The following POC5 variants were observed in gnomAD, a reference collection of about 807,000 sequenced individuals.
The protein encoded by POC5 is centrosomal protein POC5.
POC5 carries 48 observed loss-of-function variants against 62.9 expected under a neutral mutation model. The ratio of observed to expected loss-of-function variants is 0.76; its 90% CI spans 0.61 to 0.97. The LOEUF (loss-of-function observed/expected upper bound fraction) is 0.97. Among genes scored for constraint, POC5 ranks in the 50% least tolerant of loss-of-function variants. The pLI, the probability that POC5 is intolerant of heterozygous loss-of-function variation, is 0.00. For synonymous variants in POC5, 236 were observed against 228.2 expected (o/e 1.03, Z -0.31); for missense variants, 696 against 679.5 (o/e 1.02, Z -0.27).
chr5:75,700,401 C>G (rs1328470263), intron 5 of POC5, among the ~76,000 whole-genome samples: 1 of 151,684 alleles, frequency 6.6e-6, no homozygotes, highest in Non-Finnish European at 1.5e-5. Context: ...ACAGAGCCCT[C>G]AGAAATAATG....
intron 5 of POC5, among the ~76,000 whole-genome samples, chr5:75,695,333 C>T (rs1253162845): frequency 6.6e-6 from 1 of 152,092 alleles, no homozygotes; most frequent in Non-Finnish European, 1.5e-5. Context: ...ACCCTACTGA[C>T]TGGCACAAAT....
chr5:75,709,152 T>C (rs1178208670), intron 2 of POC5, among the ~76,000 whole-genome samples: 1 of 152,192 alleles, frequency 6.6e-6, no homozygotes, highest in African/African-American at 2.4e-5. Context: ...TTAACATAGA[T>C]ACTTACACGC....
chr5:75,709,597 C>T (rs1005526761), intron 2 of POC5: 2 of 152,080 alleles, frequency 1.3e-5, no homozygotes, highest in African/African-American at 4.8e-5. Context: ...CTGAAGCGAG[C>T]ACCAACATTT....
rs919825308 is a variant in POC5, at chr5:75,681,419, T to C, written c.1408-3469A>G. 2.6e-5 allele frequency among the ~76,000 whole-genome samples: 4 copies of C among 152,094 alleles called. No homozygotes were observed. In the East Asian group the frequency reaches 5.8e-4, roughly 22 times the overall value. ...AAATATTTCCCCTCAATTATTCCAA[T>C]TGAAGTTAGAAAAAGAATAAAATGC... On this transcript the variant is annotated intron_variant, in intron 10 of 11. Transcript: ENST00000428202.
chr5:75,697,360 A>C (rs575387547), intron 5 of POC5, among the ~76,000 whole-genome samples: 4,934 of 152,086 alleles, frequency 0.032, 260 homozygotes, highest in African/African-American at 0.11. Context: ...CTGATCTCTC[A>C]GCAGAAACTC....
chr5:75,703,662 C>T (rs1320658466), intron 4 of POC5, among the ~76,000 whole-genome samples: 2 of 152,012 alleles, frequency 1.3e-5, no homozygotes, highest in Non-Finnish European at 2.9e-5. Context: ...TAAAATTAAA[C>T]AATTTAAGTA....
rs377652483 is a variant in POC5, at chr5:75,712,379, C to T, written c.84+475G>A. On this transcript the variant is annotated intron_variant, in intron 2 of 11. Transcript: ENST00000428202. Reference sequence around the variant, plus strand: ...ACACCCTCTGTAGTTAACTGACCCACTTCATTTTATCTGTCAATGTCCAGG... The same window carrying T: ...ACACCCTCTGTAGTTAACTGACCCATTTCATTTTATCTGTCAATGTCCAGG... 14 of 1,605,606 alleles carry T rather than the reference C, an allele frequency of 8.7e-6. No homozygotes were observed. The African/African-American group carries it at 1.6e-4, about 18-fold the overall frequency.
intron 10 of POC5, among the ~76,000 whole-genome samples, chr5:75,678,433 C>T (rs545661768): frequency 7.4e-4 from 112 of 152,198 alleles, no homozygotes; most frequent in African/African-American, 2.6e-3. Flanking sequence ...ACGAAGATCT[C>T]CCTCGTGCCA....
In POC5 at chr5:75,705,807, T is replaced by C. The variant is rs1255007148; in HGVS notation, c.224-20A>G. 3.2e-5 allele frequency: 47 copies of C among 1,461,082 alleles called. No homozygotes were observed. The highest frequency in any genetic ancestry group is 4.3e-5 in the Non-Finnish European group (46 of 1,081,306). 90.5% of individuals were successfully genotyped at this position (1,461,082 alleles called of 1,614,324 possible). A position where few individuals can be genotyped will look rare whatever the true frequency, so the allele number is the denominator to read the frequency against. On this transcript the variant is annotated intron_variant, in intron 3 of 11. Coordinates refer to ENST00000428202, the MANE Select transcript of POC5 (RefSeq NM_001099271.2). ...TATTTCCTGCCAAAAAGAAAGCTTT[T>C]TAAAATTAAACTGAACCACTCTTAA... is the stretch of plus-strand genomic sequence containing the variant.
At position 75,674,195 on chromosome 5, in the gene POC5, C is replaced by A; in HGVS notation, c.*240G>T. Reference sequence around the variant, plus strand: ...CTAAACATATTAAAGAAATAAAGTCCAGTTTCTTTTTTAATTTAAAAAAGT... The same window carrying A: ...CTAAACATATTAAAGAAATAAAGTCAAGTTTCTTTTTTAATTTAAAAAAGT... On this transcript the variant is annotated 3_prime_UTR_variant, in exon 12 of 12. Coordinates refer to ENST00000428202, the MANE Select transcript of POC5 (RefSeq NM_001099271.2). The A allele has an allele frequency of 6.7e-6, 2 of 296,782 alleles. No homozygotes were observed. Among genetic ancestry groups the A allele is most frequent in the South Asian group, 1.1e-4 (1 of 9,216 alleles). The allele number at this position is 296,782 out of a possible 1,614,324, so 18.4% of individuals were successfully genotyped here.
chr5:75,688,918 T>C, intron 9 of POC5, 94 bp downstream of exon 9: 1 of 1,197,758 alleles, frequency 8.3e-7, no homozygotes, highest in Non-Finnish European at 1.1e-6. Context: ...ACATACCTAC[T>C]GCAGATTATT....
At chr5:75,708,744 T>C (rs1040773722) in intron 2 of POC5, among the ~76,000 whole-genome samples, 4 of 152,236 alleles carry the variant, frequency 2.6e-5, no homozygotes, top group African/African-American at 9.6e-5. Context: ...TATGCTTTTA[T>C]ATATTTGAAA....
chr5:75,714,674 G>T (rs925353235), intron 1 of POC5, among the ~76,000 whole-genome samples: 7 of 152,162 alleles, frequency 4.6e-5, no homozygotes, highest in Admixed American at 1.3e-4. Context: ...TGAGCAGGTT[G>T]GGAGGAAGGA....
At chr5:75,699,796 C>T (rs1776785954) in intron 5 of POC5, among the ~76,000 whole-genome samples, 1 of 140,072 alleles carries the variant, frequency 7.1e-6, no homozygotes, top group Non-Finnish European at 1.6e-5. Flanking sequence ...TTGCAGACGA[C>T]ATGATTGTAT....
chr5:75,683,110 T>G (rs930869175), intron 10 of POC5, among the ~76,000 whole-genome samples: 5 of 152,304 alleles, frequency 3.3e-5, no homozygotes, highest in Admixed American at 1.3e-4. Flanking sequence ...TTCTTTCCTC[T>G]TATGTAAGTG....
chr5:75,704,594 G>A (rs1445013389), intron 4 of POC5, among the ~76,000 whole-genome samples: 1 of 152,090 alleles, frequency 6.6e-6, no homozygotes, highest in African/African-American at 2.4e-5. Context: ...ACTTGATTTT[G>A]CCAACTAGAT....
chr5:75,716,949 T>C (rs112899321), intron 1 of POC5, among the ~76,000 whole-genome samples: 54 of 152,320 alleles, frequency 3.5e-4, no homozygotes, highest in African/African-American at 1.3e-3. Flanking sequence ...AGAAAAGCCA[T>C]TGCAGTAAGC....
At chr5:75,682,937 A>C (rs1479701221) in intron 10 of POC5, among the ~76,000 whole-genome samples, 3 of 152,218 alleles carry the variant, frequency 2.0e-5, no homozygotes, top group African/African-American at 7.2e-5. Flanking sequence ...TTTCTCCCAA[A>C]GTTAGTAGCT....
intron 11 of POC5, among the ~76,000 whole-genome samples, chr5:75,674,920 G>A (rs1395612384): frequency 1.3e-5 from 2 of 152,184 alleles, no homozygotes; most frequent in Non-Finnish European, 2.9e-5. Flanking sequence ...GTGGTGTCTG[G>A]AAGAGGGGTC....
Sources: allele counts gnomAD v4.1 joint callset (sites outside exome capture counted in the v4.1 genomes callset), GRCh38; gene constraint gnomAD v4.1.1; transcripts MANE v1.5; gene names NCBI Gene and HGNC (gene_info 2026-07-23, HGNC 2026-07-21).